The following RREB1 variants were observed in gnomAD, a reference collection of about 807,000 sequenced individuals.
RREB1 encodes the protein ras-responsive element-binding protein 1.
A neutral mutation model predicts 117.8 loss-of-function variants in RREB1; 27 were observed. The observed-to-expected ratio is 0.23, with a 90% CI of 0.17 to 0.32. The LOEUF is 0.32. RREB1 is among the 10% of genes least tolerant of loss of function. The pLI, the probability that RREB1 is intolerant of heterozygous loss-of-function variation, is 1.00. For missense variants in RREB1, 2,577 were observed against 2,378.2 expected (o/e 1.08, Z -1.74); for synonymous variants, 1,298 against 1,026.7 (o/e 1.26, Z -5.05).
At chr6:7,191,507 A>C (rs532551725) in intron 6 of RREB1, among the ~76,000 whole-genome samples, 59 of 152,294 alleles carry the variant, frequency 3.9e-4, no homozygotes, top group African/African-American at 1.4e-3. Flanking sequence ...GCTGGGTCAT[A>C]TGGTAAATCC....
chr6:7,181,980 G>A lies in RREB1; in HGVS notation c.69G>A (p.Ala23=), dbSNP rs116821538. ...DLSSINTMMS[A]VMSVGKVTEN... The stretch of plus-strand genomic sequence containing the variant: ...CTTCCATCAACACCATGATGTCGGC[G>A]GTCATGAGTGTAGGGAAGGTCACAG... Residue 23 remains alanine, a synonymous_variant, in exon 4 of 13, where the codon GCG becomes GCA. Coordinates refer to ENST00000379938, the MANE Select transcript of RREB1 (RefSeq NM_001003699.4). 126 of 1,614,026 alleles carry A rather than the reference G, an allele frequency of 7.8e-5. No individual in the cohort carries two copies. The Middle Eastern group carries it at 9.9e-4, about 13-fold the overall frequency.
chr6:7,188,226 C>CGTGTGTGTGT (rs149501678), intron 5 of RREB1, among the ~76,000 whole-genome samples: 2,381 of 149,374 alleles, frequency 0.016, 22 homozygotes, highest in Non-Finnish European at 0.023. Context: ...CCCCCCCACA[C>CGTGTGTGTGT]GTGTGTGTGT....
intron 5 of RREB1, among the ~76,000 whole-genome samples, chr6:7,187,910 C>G (rs1306437542): frequency 4.6e-5 from 7 of 152,188 alleles, no homozygotes; most frequent in Non-Finnish European, 1.0e-4. Flanking sequence ...AACCACAACA[C>G]TTTGGGAGGC....
intron 1 of RREB1, among the ~76,000 whole-genome samples, chr6:7,153,413 TACACAC>T (rs57110705): frequency 4.1e-5 from 6 of 145,718 alleles, no homozygotes; most frequent in Admixed American, 1.4e-4. Context: ...AGTAGTGGTA[TACACAC>T]ACACACACAC....
chr6:7,135,793 TA>T (rs1235180516), intron 1 of RREB1, among the ~76,000 whole-genome samples: 7 of 152,246 alleles, frequency 4.6e-5, no homozygotes, highest in African/African-American at 1.7e-4. Flanking sequence ...CAAGTTGCTC[TA>T]GGGGACTTAG....
chr6:7,136,444 T>G (rs1762352317), intron 1 of RREB1, among the ~76,000 whole-genome samples: 1 of 152,214 alleles, frequency 6.6e-6, no homozygotes, highest in Non-Finnish European at 1.5e-5. Context: ...GTTATTTATT[T>G]ATTTATTTTT....
Position 7,240,422 on chromosome 6 carries a change from T to A in RREB1, c.3809-16T>A. The A allele has an allele frequency of 6.3e-7, 1 of 1,599,262 alleles. No individual in the cohort carries two copies. The highest frequency in any genetic ancestry group is 1.3e-5 in the African/African-American group (1 of 74,206). On this transcript the variant is annotated splice_polypyrimidine_tract_variant and intron_variant, in intron 10 of 12. Coordinates refer to ENST00000379938, the MANE Select transcript of RREB1 (RefSeq NM_001003699.4). Reference sequence around the variant, plus strand: ...GTAGAAAGCCAGATAAATATATATTTTTTTTCCTGCTTCAGGTCAGAAACC... The same window carrying A: ...GTAGAAAGCCAGATAAATATATATTATTTTTCCTGCTTCAGGTCAGAAACC...
In RREB1 at chr6:7,248,767, C is replaced by T; in HGVS notation, c.5028C>T (p.Gly1676=). ...HMAVTRSRKE[G]LASATKDCSH... is the part of the protein sequence containing the mutation. Reference sequence around the variant, plus strand: ...CTGTCACCCGGAGCCGGAAGGAGGGCTTGGCCAGTGCCACCAAGGACTGCA... The same window carrying T: ...CTGTCACCCGGAGCCGGAAGGAGGGTTTGGCCAGTGCCACCAAGGACTGCA... Residue 1676 remains glycine (G), a synonymous_variant, in exon 13 of 13, where the codon GGC becomes GGT. Transcript: ENST00000379938. 10 of 1,614,062 alleles carry T rather than the reference C, an allele frequency of 6.2e-6. No homozygotes were observed. Among genetic ancestry groups the T allele is most frequent in the Non-Finnish European group, 7.6e-6 (9 of 1,179,994 alleles).
At chr6:7,188,252 T>TGTGTGTGTGC (rs1411771705) in intron 5 of RREB1, among the ~76,000 whole-genome samples, 174 of 147,662 alleles carry the variant, frequency 1.2e-3, no homozygotes, top group African/African-American at 3.8e-3. Context: ...TGTGTGTGTG[T>TGTGTGTGTGC]GCGCGCGCGC....
At chr6:7,222,056 A>C (rs1211118314) in intron 8 of RREB1, among the ~76,000 whole-genome samples, 2 of 152,222 alleles carry the variant, frequency 1.3e-5, no homozygotes, top group Non-Finnish European at 2.9e-5. Flanking sequence ...TGAAGAAGGA[A>C]AGGAACAGGA....
chr6:7,120,217 G>C (rs58000897), intron 1 of RREB1, among the ~76,000 whole-genome samples: 1 of 151,986 alleles, frequency 6.6e-6, no homozygotes, highest in South Asian at 2.1e-4. Context: ...TTGGGAGGCC[G>C]AGCCGTGCAG....
chr6:7,120,488 A>C (rs142178949), intron 1 of RREB1, among the ~76,000 whole-genome samples: 1 of 152,204 alleles, frequency 6.6e-6, no homozygotes, highest in South Asian at 2.1e-4. Flanking sequence ...TGGATGAAGC[A>C]TGAACAGTAC....
At chr6:7,123,610 C>CT (rs5874079) in intron 1 of RREB1, among the ~76,000 whole-genome samples, 69,407 of 122,852 alleles carry the variant, frequency 0.56, 21,859 homozygotes, top group Non-Finnish European at 0.69. Context: ...TGTGATGTGT[C>CT]TTTTTTTTTT....
rs1015346152 is a variant in RREB1 at position 7,230,025 on chromosome 6, C to G, written c.1926C>G (p.Leu642=). The G allele has an allele frequency of 1.2e-6, 2 of 1,611,108 alleles. No individual in the cohort carries two copies. Among genetic ancestry groups the G allele is most frequent in the Admixed American group, 3.3e-5 (2 of 59,912 alleles). ...GKKTPAMRKV[L]YPCRFCNQVF... ...AGACGCCCGCCATGCGCAAGGTGCTCTACCCCTGCCGCTTCTGCAACCAGG... is the reference window on the plus strand; with the variant it reads ...AGACGCCCGCCATGCGCAAGGTGCTGTACCCCTGCCGCTTCTGCAACCAGG... Residue 642 remains leucine (L), a synonymous_variant, in exon 10 of 13, where the codon CTC becomes CTG. Transcript: ENST00000379938.
At chr6:7,132,747 T>G (rs1561735158) in intron 1 of RREB1, among the ~76,000 whole-genome samples, 1 of 152,134 alleles carries the variant, frequency 6.6e-6, no homozygotes, top group Non-Finnish European at 1.5e-5. Flanking sequence ...TCATTAGACC[T>G]AAGTGATGGG....
chr6:7,198,118 G>T (rs550187537), intron 6 of RREB1, among the ~76,000 whole-genome samples: 1 of 152,126 alleles, frequency 6.6e-6, no homozygotes, highest in Non-Finnish European at 1.5e-5. Flanking sequence ...CATCATGGTC[G>T]TATCAAGTTT....
chr6:7,159,374 A>G (rs1163982029), intron 1 of RREB1, among the ~76,000 whole-genome samples: 1 of 152,232 alleles, frequency 6.6e-6, no homozygotes, highest in Non-Finnish European at 1.5e-5. Flanking sequence ...CATCATTCAG[A>G]AACTAACTCG....
chr6:7,202,022 G>C (rs1766015274), intron 6 of RREB1, among the ~76,000 whole-genome samples: 1 of 152,138 alleles, frequency 6.6e-6, no homozygotes, highest in Non-Finnish European at 1.5e-5. Flanking sequence ...GGTTGGTCTT[G>C]GGAGGTGACA....
chr6:7,130,673 A>AT (rs1385642498), intron 1 of RREB1, among the ~76,000 whole-genome samples: 2 of 147,004 alleles, frequency 1.4e-5, no homozygotes, highest in African/African-American at 2.5e-5. Context: ...CTGGAGTGCC[A>AT]TGGCGTGATC....
Sources: gnomAD v4.1 joint callset for allele counts (sites outside exome capture counted in the v4.1 genomes callset) on GRCh38, gnomAD v4.1.1 for gene constraint, MANE v1.5 for transcripts, NCBI Gene and HGNC (gene_info 2026-07-23, HGNC 2026-07-21) for gene names.